The following GRID2 variants were observed in gnomAD, a reference collection of about 807,000 sequenced individuals.
The protein encoded by GRID2 is glutamate ionotropic receptor delta type subunit 2.
Under a neutral mutation model 114.8 loss-of-function variants are expected in GRID2, and 33 were observed. The observed-to-expected ratio is 0.29, with a 90% CI of 0.22 to 0.38. The LOEUF is 0.38. Among genes scored for constraint, GRID2 ranks in the 10% least tolerant of loss-of-function variants. The probability of loss-of-function intolerance (pLI) is 1.00; values close to 1 mark genes in which losing one functional copy is unlikely to be tolerated. For missense variants in GRID2, 1,184 were observed against 1,257.7 expected, an observed-to-expected ratio of 0.94 and a Z score of 0.89; for synonymous variants, 505 against 449.9, an observed-to-expected ratio of 1.12 and a Z score of -1.55.
chr4:93,323,571 T>C (rs1038554949), intron 8 of GRID2, among the ~76,000 whole-genome samples: 53 of 152,240 alleles, frequency 3.5e-4, no homozygotes, highest in African/African-American at 9.9e-4. Context: ...TAGTTTTTTC[T>C]AATTCTGTGA....
chr4:92,676,499 A>C (rs1733380359), intron 2 of GRID2, among the ~76,000 whole-genome samples: 1 of 151,830 alleles, frequency 6.6e-6, no homozygotes, highest in Admixed American at 6.6e-5. Context: ...TTAACCTGTA[A>C]ATTCTGTACG....
intron 2 of GRID2, among the ~76,000 whole-genome samples, chr4:92,762,682 C>T (rs1471634008): frequency 1.3e-5 from 2 of 152,144 alleles, no homozygotes; most frequent in African/African-American, 2.4e-5. Flanking sequence ...GTTCGTTGTA[C>T]CCCTAATGCC....
chr4:93,087,104 G>A (rs181437508), intron 3 of GRID2, among the ~76,000 whole-genome samples: 4 of 151,494 alleles, frequency 2.6e-5, no homozygotes, highest in Admixed American at 6.6e-5. Flanking sequence ...TCACAATCTC[G>A]GCTCACTGCA....
intron 13 of GRID2, among the ~76,000 whole-genome samples, chr4:93,522,937 G>A (rs778934420): frequency 2.0e-5 from 3 of 152,116 alleles, no homozygotes; most frequent in South Asian, 2.1e-4. Flanking sequence ...AAGAAGAAAC[G>A]CAGAACTCCT....
At chr4:93,212,382 A>G (rs1452848759) in intron 5 of GRID2, among the ~76,000 whole-genome samples, 1 of 152,144 alleles carries the variant, frequency 6.6e-6, no homozygotes, top group African/African-American at 2.4e-5. Context: ...TAATAATGAG[A>G]GGCTGTGCTA....
chr4:93,139,948 T>C (rs1487331852), intron 4 of GRID2, among the ~76,000 whole-genome samples: 1 of 152,150 alleles, frequency 6.6e-6, no homozygotes, highest in Non-Finnish European at 1.5e-5. Flanking sequence ...AACAATATTC[T>C]AAGTAATTGC....
At chr4:93,036,556 G>T (rs1724953406) in intron 2 of GRID2, among the ~76,000 whole-genome samples, 1 of 152,006 alleles carries the variant, frequency 6.6e-6, no homozygotes, top group Admixed American at 6.6e-5. Context: ...AAGTGTTTTT[G>T]CTTTCCTTTA....
intron 2 of GRID2, among the ~76,000 whole-genome samples, chr4:92,650,873 G>C (rs965435332): frequency 1.3e-5 from 2 of 151,976 alleles, no homozygotes; most frequent in South Asian, 2.1e-4. Context: ...ACAGTCTTCT[G>C]TAGGACCCTG....
Position 93,631,584 on chromosome 4 carries a change from A to G in GRID2, c.2360+5149A>G, listed in dbSNP as rs555643625. 1.1e-4 allele frequency among the ~76,000 whole-genome samples: 16 copies of G among 152,260 alleles called. No homozygotes were observed. In the East Asian group the frequency reaches 3.1e-3, roughly 29 times the overall value. On this transcript the variant is annotated intron_variant, in intron 14 of 15. Transcript: ENST00000282020. ...GGCTGCATAGTATTCCATGGTGTGT[A>G]TGTGCCACATTTCCTTAATCCAGTC...
At chr4:93,694,898 G>GCTCACCC (rs201983564) in intron 14 of GRID2, among the ~76,000 whole-genome samples, 6,259 of 152,230 alleles carry the variant, frequency 0.041, 195 homozygotes, top group African/African-American at 0.081. Flanking sequence ...GGTGGCCGGG[G>GCTCACCC]CGGTGGCTCA....
intron 2 of GRID2, among the ~76,000 whole-genome samples, chr4:92,793,027 T>G (rs1208169289): frequency 6.6e-6 from 1 of 151,648 alleles, no homozygotes; most frequent in Non-Finnish European, 1.5e-5. Context: ...ATCATAACAT[T>G]TTGCGTAAAG....
At chr4:93,627,446 T>C (rs1742828590) in intron 14 of GRID2, among the ~76,000 whole-genome samples, 1 of 152,172 alleles carries the variant, frequency 6.6e-6, no homozygotes, top group Non-Finnish European at 1.5e-5. Flanking sequence ...ACCATAAAAA[T>C]CTAAACCTCT....
At chr4:92,307,193 G>T (rs541139019) in intron 1 of GRID2, among the ~76,000 whole-genome samples, 3 of 152,148 alleles carry the variant, frequency 2.0e-5, no homozygotes, top group East Asian at 3.9e-4. Context: ...AATAGGAAAA[G>T]AATTAATTTT....
chr4:93,792,860 G>A (rs1239308587), intron 1 of GRID2, among the ~76,000 whole-genome samples: 3 of 152,136 alleles, frequency 2.0e-5, no homozygotes, highest in Non-Finnish European at 2.9e-5. Context: ...GATTCATGGT[G>A]GTTTGTGAGT....
chr4:92,786,094 A>C (rs1270740480), intron 2 of GRID2, among the ~76,000 whole-genome samples: 1 of 151,866 alleles, frequency 6.6e-6, no homozygotes, highest in East Asian at 1.9e-4. Flanking sequence ...TGTCACATGA[A>C]TCTGTTGTCC....
intron 1 of GRID2, among the ~76,000 whole-genome samples, chr4:92,399,663 CTCTA>C (rs375476352): frequency 0.034 from 4,539 of 131,586 alleles, 77 homozygotes; most frequent in African/African-American, 0.077. Context: ...CTCTCTCTCT[CTCTA>C]TATATATATA....
intron 11 of GRID2, among the ~76,000 whole-genome samples, chr4:93,472,029 G>T (rs1355810823): frequency 6.6e-6 from 1 of 150,466 alleles, no homozygotes; most frequent in African/African-American, 2.4e-5. Flanking sequence ...TATGCTGATT[G>T]AAGTTAGAAT....
chr4:93,496,301 T>C (rs148706137), intron 12 of GRID2, among the ~76,000 whole-genome samples: 1 of 151,886 alleles, frequency 6.6e-6, no homozygotes, highest in East Asian at 1.9e-4. Context: ...TTCAAAGATA[T>C]AGTACAGAGC....
At chr4:92,951,570 G>T (rs1752043208) in intron 2 of GRID2, among the ~76,000 whole-genome samples, 1 of 151,918 alleles carries the variant, frequency 6.6e-6, no homozygotes, top group Admixed American at 6.6e-5. Context: ...CTCAAGCGAT[G>T]CACCCTGCTT....
Sources: allele counts gnomAD v4.1 joint callset (sites outside exome capture counted in the v4.1 genomes callset), GRCh38; gene constraint gnomAD v4.1.1; transcripts MANE v1.5; gene names NCBI Gene and HGNC (gene_info 2026-07-23, HGNC 2026-07-21).